IGF1: variants seen among roughly 807,000 people sequenced by gnomAD.
IGF1 encodes the protein insulin-like growth factor 1.
In IGF1, 4 loss-of-function variants were observed where a neutral mutation model predicts 13.8. The ratio of observed to expected loss-of-function variants is 0.29; its 90% CI spans 0.14 to 0.66. IGF1 has a LOEUF of 0.66. Among genes scored for constraint, IGF1 ranks in the 30% least tolerant of loss-of-function variants. The pLI, the probability that IGF1 is intolerant of heterozygous loss-of-function variation, is 0.78. For missense variants in IGF1, 124 were observed against 188.5 expected, an observed-to-expected ratio of 0.66 and a Z score of 2.00; for synonymous variants, 76 against 72.6, an observed-to-expected ratio of 1.05 and a Z score of -0.23.
intron 3 of IGF1, among the ~76,000 whole-genome samples, chr12:102,404,171 TA>T (rs1873936494): frequency 6.6e-6 from 1 of 152,190 alleles, no homozygotes; most frequent in African/African-American, 2.4e-5. Flanking sequence ...GTGAGGTTCA[TA>T]ACCAAAAACA....
At chr12:102,427,195 T>A (rs1243152456) in intron 2 of IGF1, among the ~76,000 whole-genome samples, 1 of 152,190 alleles carries the variant, frequency 6.6e-6, no homozygotes, top group African/African-American at 2.4e-5. Flanking sequence ...GGGCCTTAGC[T>A]GTCTCATTTT....
intron 2 of IGF1, among the ~76,000 whole-genome samples, chr12:102,429,346 T>G (rs1399913398): frequency 6.6e-6 from 1 of 152,234 alleles, no homozygotes; most frequent in Non-Finnish European, 1.5e-5. Flanking sequence ...TTATTGTATT[T>G]TAGAATGCCA....
intron 2 of IGF1, among the ~76,000 whole-genome samples, chr12:102,441,656 G>A (rs950087944): frequency 2.6e-5 from 4 of 152,186 alleles, no homozygotes; most frequent in African/African-American, 7.2e-5. Flanking sequence ...GTTATTTTAT[G>A]TAGATATTGG....
chr12:102,478,391 C>A, intron 1 of IGF1: 3 of 722,422 alleles, frequency 4.2e-6, no homozygotes, highest in South Asian at 9.8e-5. Flanking sequence ...TTTTTTTAAT[C>A]TTAGATAAAT....
rs151233232 is a variant in IGF1 at position 102,422,358 on chromosome 12, A to G, written c.221-2668T>C. ...TCTTTGTCTACTCATAATGTCTACA[A>G]TGGACTCATTGTACGTCATTGGGAA... On this transcript the variant is annotated intron_variant, in intron 2 of 3. Coordinates refer to ENST00000337514, the MANE Select transcript of IGF1 (RefSeq NM_000618.5). 5.1e-4 allele frequency among the ~76,000 whole-genome samples: 78 copies of G among 152,280 alleles called. 1 individual carries two copies. The highest frequency in any genetic ancestry group is 2.2e-3 in the Admixed American group (34 of 15,294).
intron 3 of IGF1, chr12:102,415,774 A>G (rs1040069639): frequency 6.6e-6 from 1 of 152,154 alleles, no homozygotes; most frequent in African/African-American, 2.4e-5. Flanking sequence ...CTGTGTCTAT[A>G]TGCTACTCTA....
intron 2 of IGF1, among the ~76,000 whole-genome samples, chr12:102,425,636 A>C (rs1166797185): frequency 6.6e-6 from 1 of 152,204 alleles, no homozygotes; most frequent in Non-Finnish European, 1.5e-5. Flanking sequence ...GTGTGAAAAG[A>C]ATGCTATTCA....
Position 102,402,016 on chromosome 12 carries a change from T to TG in IGF1, c.*490dup, listed in dbSNP as rs1873721231. On this transcript the variant is annotated 3_prime_UTR_variant, in exon 4 of 4. Transcript: ENST00000337514. ...CAAATATAAAGGTTATGAAGGGAGG[T>TG]GGTGGGTATAGACTAACAAGATTAT... 1 of 152,312 alleles carries TG rather than the reference T, an allele frequency of 6.6e-6. No individual in the cohort carries two copies. Among genetic ancestry groups the TG allele is most frequent in the African/African-American group, 2.4e-5 (1 of 41,262 alleles). The allele number at this position is 152,312 out of a possible 1,614,324, so 9.4% of individuals were successfully genotyped here. A position where few individuals can be genotyped will look rare whatever the true frequency, so the allele number is the denominator to read the frequency against.
chr12:102,477,170 A>G (rs1823778007), intron 1 of IGF1, among the ~76,000 whole-genome samples: 1 of 151,748 alleles, frequency 6.6e-6, no homozygotes, highest in African/African-American at 2.4e-5. Flanking sequence ...CTTGCCCTCC[A>G]TGGACTCTCA....
Position 102,480,449 on chromosome 12 carries a change from A to G in IGF1, c.-68T>C, listed in dbSNP as rs1271304042. The G allele has an allele frequency of 1.9e-6, 3 of 1,608,166 alleles. No individual in the cohort carries two copies. Among genetic ancestry groups the G allele is most frequent in the Non-Finnish European group, 2.5e-6 (3 of 1,178,304 alleles). ...AATAATGAAGCAAAAAGAAATCCAG[A>G]GAGATGGGAGATGTTGAGAGCAATG... On this transcript the variant is annotated 5_prime_UTR_variant, in exon 1 of 4. Coordinates refer to ENST00000337514, the MANE Select transcript of IGF1 (RefSeq NM_000618.5).
At chr12:102,434,147 T>TC (rs140924015) in intron 2 of IGF1, among the ~76,000 whole-genome samples, 15,091 of 141,618 alleles carry the variant, frequency 0.11, 1,026 homozygotes, top group Non-Finnish European at 0.16. Context: ...CAGTCATCTC[T>TC]TTTTTTTTTT....
chr12:102,422,510 G>A (rs1042477288), intron 2 of IGF1, among the ~76,000 whole-genome samples: 4 of 152,030 alleles, frequency 2.6e-5, no homozygotes, highest in Admixed American at 6.5e-5. Flanking sequence ...CTCATTTCTC[G>A]CCAATTGAAA....
At position 102,480,408 on chromosome 12, in the gene IGF1, T is replaced by C; in HGVS notation, c.-27A>G. 6.2e-7 allele frequency: 1 copy of C among 1,613,104 alleles called. No homozygotes were observed. On this transcript the variant is annotated 5_prime_UTR_variant, in exon 1 of 4. Transcript: ENST00000337514. ...GCTTCTGAAGTACAAAGTCTGAAAA[T>C]GAATTGGTTAGCAGGAATAATGAAG...
chr12:102,411,288 T>G (rs1330447997), intron 3 of IGF1, among the ~76,000 whole-genome samples: 1 of 152,214 alleles, frequency 6.6e-6, no homozygotes, highest in East Asian at 1.9e-4. Flanking sequence ...TCCCCAACTC[T>G]ACAATTGTCG....
At position 102,402,246 on chromosome 12, in the gene IGF1, T is replaced by TA. The variant is rs199891259; in HGVS notation, c.*260_*261insT. The TA allele has an allele frequency of 2.5e-3, 569 of 230,378 alleles. 8 individuals carry two copies. The highest frequency in any genetic ancestry group is 0.012 in the African/African-American group (460 of 37,572). The allele number at this position is 230,378 out of a possible 1,614,324, so 14.3% of individuals were successfully genotyped here. On this transcript the variant is annotated 3_prime_UTR_variant, in exon 4 of 4. Coordinates refer to ENST00000337514, the MANE Select transcript of IGF1 (RefSeq NM_000618.5). ...GACTAAGATATATATATATATATATTTTTTTTTTCTTTTCTATAGAACATT... is the reference window on the plus strand; with the variant it reads ...GACTAAGATATATATATATATATATTATTTTTTTTCTTTTCTATAGAACATT...
At chr12:102,471,130 C>A (rs1880660290) in intron 2 of IGF1, among the ~76,000 whole-genome samples, 1 of 152,174 alleles carries the variant, frequency 6.6e-6, no homozygotes, top group Admixed American at 6.5e-5. Context: ...AAGAATCTGG[C>A]TCCTCTTACT....
intron 2 of IGF1, among the ~76,000 whole-genome samples, chr12:102,464,884 A>G (rs1302634831): frequency 6.6e-6 from 1 of 152,220 alleles, no homozygotes; most frequent in African/African-American, 2.4e-5. Context: ...AGAAATCACC[A>G]ATAGCTGACT....
chr12:102,462,204 C>T (rs924332371), intron 2 of IGF1, among the ~76,000 whole-genome samples: 6 of 152,154 alleles, frequency 3.9e-5, no homozygotes, highest in African/African-American at 1.2e-4. Context: ...CCAATTAGCC[C>T]GTTGTAAACA....
In IGF1 at chr12:102,396,067, A is replaced by G. The variant is rs1873156202; in HGVS notation, c.*6440T>C. ...TAAGTGAATTGAATAATAATTTCAA[A>G]TACAATCAGAATTAATTTAATAAAA... is the stretch of plus-strand genomic sequence containing the variant. On this transcript the variant is annotated 3_prime_UTR_variant, in exon 4 of 4. Coordinates refer to ENST00000337514, the MANE Select transcript of IGF1 (RefSeq NM_000618.5). The G allele has an allele frequency of 6.6e-6, 1 of 152,212 alleles. No homozygotes were observed. Among genetic ancestry groups the G allele is most frequent in the Non-Finnish European group, 1.5e-5 (1 of 68,032 alleles). 9.4% of individuals were successfully genotyped at this position (152,212 alleles called of 1,614,324 possible).
Sources: gnomAD v4.1 joint callset for allele counts (sites outside exome capture counted in the v4.1 genomes callset) on GRCh38, gnomAD v4.1.1 for gene constraint, MANE v1.5 for transcripts, NCBI Gene and HGNC (gene_info 2026-07-23, HGNC 2026-07-21) for gene names.